Variants in METTL25 observed in about 807,000 individuals in gnomAD.
METTL25 encodes the protein probable methyltransferase-like protein 25.
Under a neutral mutation model 71.6 loss-of-function variants are expected in METTL25, and 64 were observed. The observed-to-expected ratio is 0.89, with a 90% CI of 0.73 to 1.10. METTL25 has a LOEUF of 1.10. METTL25 is among the 50% of genes least tolerant of loss of function. METTL25 has a pLI of 0.00. For missense variants in METTL25, 807 were observed against 707.0 expected, an observed-to-expected ratio of 1.14 and a Z score of -1.60; for synonymous variants, 287 against 250.3, an observed-to-expected ratio of 1.15 and a Z score of -1.38.
intron 3 of METTL25, among the ~76,000 whole-genome samples, chr12:82,393,679 G>A (rs1885811994): frequency 6.7e-6 from 1 of 149,012 alleles, no homozygotes; most frequent in Non-Finnish European, 1.5e-5. Context: ...GGTGAAAGTG[G>A]GCATTCTTGT....
chr12:82,406,348 A>G (rs118121377), intron 5 of METTL25, among the ~76,000 whole-genome samples: 1 of 152,292 alleles, frequency 6.6e-6, no homozygotes, highest in East Asian at 1.9e-4. Flanking sequence ...CCCCGTACCT[A>G]TATTGTTTTT....
At chr12:82,425,173 A>G (rs1351529444) in intron 5 of METTL25, among the ~76,000 whole-genome samples, 4 of 152,056 alleles carry the variant, frequency 2.6e-5, no homozygotes, top group East Asian at 3.9e-4. Context: ...CTCACAGACT[A>G]ATTTTGGGCA....
intron 5 of METTL25, among the ~76,000 whole-genome samples, chr12:82,426,466 T>TA (rs150780760): frequency 1.6e-3 from 246 of 152,108 alleles, no homozygotes; most frequent in African/African-American, 5.6e-3. Flanking sequence ...AATTCAGGGA[T>TA]CCAGGTGCAT....
At chr12:82,432,792 A>G (rs910257531) in intron 6 of METTL25, among the ~76,000 whole-genome samples, 4 of 149,818 alleles carry the variant, frequency 2.7e-5, no homozygotes, top group East Asian at 2.0e-4. Flanking sequence ...CTTTTAATAT[A>G]TCTTATTTTA....
At chr12:82,398,189 C>T (rs1464285483) in intron 3 of METTL25, among the ~76,000 whole-genome samples, 1 of 150,512 alleles carries the variant, frequency 6.6e-6, no homozygotes, top group African/African-American at 2.4e-5. Flanking sequence ...AAATTTATTC[C>T]TATATATTCT....
intron 8 of METTL25, among the ~76,000 whole-genome samples, chr12:82,441,646 G>A (rs1186163340): frequency 1.3e-5 from 2 of 151,304 alleles, no homozygotes; most frequent in South Asian, 2.1e-4. Context: ...GTTTCATAGA[G>A]CCCAGGATTG....
chr12:82,477,419 T>C (rs947020661), intron 11 of METTL25, 67 bp downstream of exon 11: 8 of 763,766 alleles, frequency 1.0e-5, no homozygotes, highest in African/African-American at 7.2e-5. Context: ...GAGCCACTTA[T>C]ATCTAGGATA....
At chr12:82,362,810 G>A (rs1193900986) in intron 1 of METTL25, among the ~76,000 whole-genome samples, 1 of 152,176 alleles carries the variant, frequency 6.6e-6, no homozygotes, top group Non-Finnish European at 1.5e-5. Flanking sequence ...GACATTTCAA[G>A]GAACAGTAGC....
intron 9 of METTL25, among the ~76,000 whole-genome samples, chr12:82,461,339 T>C (rs1324219196): frequency 6.6e-6 from 1 of 152,236 alleles, no homozygotes; most frequent in East Asian, 1.9e-4. Context: ...CTAAAAGCTT[T>C]GTTTATATTA....
At chr12:82,477,847 T>A (rs1003303729) in intron 11 of METTL25, among the ~76,000 whole-genome samples, 2 of 151,784 alleles carry the variant, frequency 1.3e-5, no homozygotes, top group South Asian at 4.1e-4. Context: ...TGGGTTGTCT[T>A]TAAGGAAAAT....
At chr12:82,385,604 T>C (rs554713316) in intron 1 of METTL25, among the ~76,000 whole-genome samples, 1 of 152,296 alleles carries the variant, frequency 6.6e-6, no homozygotes, top group South Asian at 2.1e-4. Flanking sequence ...TTTAACTCTT[T>C]TAAATAAATT....
chr12:82,403,216 T>TC (rs1886799321), intron 5 of METTL25, 86 bp downstream of exon 5: 1 of 1,310,868 alleles, frequency 7.6e-7, no homozygotes, highest in African/African-American at 1.5e-5. Context: ...CCCCGTTTTT[T>TC]CGTCATTACC....
At position 82,479,023 on chromosome 12, in the gene METTL25, G is replaced by A; in HGVS notation, c.1811G>A (p.Ter604=). Residue 604 remains the stop codon, a stop_retained_variant, in exon 12 of 12, where the codon TGA becomes TAA. Coordinates refer to ENST00000248306, the MANE Select transcript of METTL25 (RefSeq NM_032230.3). ...YAVIALKKQQ[*] ...GTTATTGCCCTGAAGAAGCAGCAGT[G>A]ATTTCCATTGAAGCAAATTATTAGA... is the stretch of plus-strand genomic sequence containing the variant. 6.2e-7 allele frequency: 1 copy of A among 1,611,214 alleles called. No homozygotes were observed. Among genetic ancestry groups the A allele is most frequent in the South Asian group, 1.1e-5 (1 of 90,872 alleles).
intron 8 of METTL25, among the ~76,000 whole-genome samples, chr12:82,449,414 C>G (rs1036071898): frequency 1.3e-5 from 2 of 152,172 alleles, no homozygotes; most frequent in African/African-American, 4.8e-5. Context: ...CCCATGCACA[C>G]CGTCCTGGCA....
At chr12:82,408,817 G>A (rs1353824966) in intron 5 of METTL25, among the ~76,000 whole-genome samples, 1 of 152,130 alleles carries the variant, frequency 6.6e-6, no homozygotes, top group Admixed American at 6.6e-5. Context: ...TACAGAGAAA[G>A]GGGTTTATGT....
chr12:82,377,516 T>A (rs1883996120), intron 1 of METTL25, among the ~76,000 whole-genome samples: 1 of 152,210 alleles, frequency 6.6e-6, no homozygotes, highest in Non-Finnish European at 1.5e-5. Context: ...AGGATCTGTT[T>A]AATAATGAAA....
intron 5 of METTL25, among the ~76,000 whole-genome samples, chr12:82,422,774 C>T (rs1160799294): frequency 6.6e-6 from 1 of 152,142 alleles, no homozygotes; most frequent in Non-Finnish European, 1.5e-5. Flanking sequence ...AGAGCCAAAT[C>T]ATGAGTGAAC....
chr12:82,453,680 A>C (rs1352750606), intron 8 of METTL25, among the ~76,000 whole-genome samples: 2 of 152,142 alleles, frequency 1.3e-5, no homozygotes, highest in Non-Finnish European at 2.9e-5. Flanking sequence ...TCTATTTTAA[A>C]TTACACTTAT....
chr12:82,399,147 C>T lies in METTL25; in HGVS notation c.884C>T (p.Thr295Ile), dbSNP rs1245874835. 7 of 1,613,622 alleles carry T rather than the reference C, an allele frequency of 4.3e-6. No individual in the cohort carries two copies. The highest frequency in any genetic ancestry group is 5.9e-6 in the Non-Finnish European group (7 of 1,179,858). Residue 295 changes from threonine to isoleucine, a missense_variant, in exon 4 of 12, where the codon ACC (threonine) becomes ATC (isoleucine). Transcript: ENST00000248306. ...VISNIRNQME[T>I]LHSQPHQEEN... ...TCTAATATCAGAAACCAAATGGAAA[C>T]CCTTCATTCTCAGCCACATCAAGAA...
Sources: allele counts gnomAD v4.1 joint callset (sites outside exome capture counted in the v4.1 genomes callset), GRCh38; gene constraint gnomAD v4.1.1; transcripts MANE v1.5; gene names NCBI Gene and HGNC (gene_info 2026-07-23, HGNC 2026-07-21).